Variants in XKR9 observed in about 807,000 individuals in gnomAD.
XKR9 encodes the protein XK related 9.
In XKR9, 32 loss-of-function variants were observed where a neutral mutation model predicts 32.0. The observed-to-expected ratio is 1.00, with a 90% CI of 0.76 to 1.34. The LOEUF (loss-of-function observed/expected upper bound fraction) is 1.34. Ranked by LOEUF, XKR9 falls within the 40% of genes most tolerant of loss-of-function variation. XKR9 has a pLI of 0.00. For synonymous variants in XKR9, 168 were observed against 143.4 expected (o/e 1.17, Z -1.22); for missense variants, 546 against 429.7 (o/e 1.27, Z -2.39).
downstream of XKR9, among the ~76,000 whole-genome samples, chr8:70,740,469 G>C (rs1303384884): frequency 6.6e-6 from 1 of 152,154 alleles, no homozygotes; most frequent in Non-Finnish European, 1.5e-5. Flanking sequence ...CTCTCAACTC[G>C]TCAAAGTCAT....
chr8:70,944,140 G>A, the XKR9 span, among the ~76,000 whole-genome samples: 4 of 131,538 alleles, frequency 3.0e-5, no homozygotes, highest in African/African-American at 7.6e-5. Flanking sequence ...TATTCCCCCC[G>A]CCAAAAAAAA....
At chr8:70,983,743 C>A in the XKR9 span, among the ~76,000 whole-genome samples, 1 of 151,246 alleles carries the variant, frequency 6.6e-6, no homozygotes, top group South Asian at 2.1e-4. Context: ...ATCGCACCAT[C>A]GCAATCTGGC....
the XKR9 span, among the ~76,000 whole-genome samples, chr8:71,038,519 C>T: frequency 6.6e-6 from 1 of 151,596 alleles, no homozygotes; most frequent in Non-Finnish European, 1.5e-5. Flanking sequence ...TGGGGTTTCA[C>T]CATGTTGGCC....
chr8:70,808,925 T>C, the XKR9 span, among the ~76,000 whole-genome samples: 9 of 152,218 alleles, frequency 5.9e-5, no homozygotes, highest in Admixed American at 5.9e-4. Context: ...AATGTCCCTG[T>C]CTGACAGCTT....
At chr8:70,959,984 C>T in the XKR9 span, among the ~76,000 whole-genome samples, 1 of 152,208 alleles carries the variant, frequency 6.6e-6, no homozygotes, top group Non-Finnish European at 1.5e-5. Flanking sequence ...AATCCCACCA[C>T]TTTGGGAGGC....
intron 3 of XKR9, among the ~76,000 whole-genome samples, chr8:70,694,476 C>T (rs1805191586): frequency 1.3e-5 from 2 of 152,106 alleles, no homozygotes; most frequent in African/African-American, 4.8e-5. Context: ...GTTGGGAGGT[C>T]CTGCCCAGCG....
the XKR9 span, among the ~76,000 whole-genome samples, chr8:70,888,227 C>G: frequency 6.6e-6 from 1 of 151,868 alleles, no homozygotes; most frequent in South Asian, 2.1e-4. Context: ...ATATCTGTAG[C>G]CCATTTGTGT....
At chr8:70,941,282 T>C in the XKR9 span, among the ~76,000 whole-genome samples, 2 of 152,122 alleles carry the variant, frequency 1.3e-5, no homozygotes, top group East Asian at 1.9e-4. Context: ...GGTTACACAT[T>C]GTAGCATGTA....
chr8:71,009,262 C>T, the XKR9 span, among the ~76,000 whole-genome samples: 2,503 of 152,170 alleles, frequency 0.016, 68 homozygotes, highest in African/African-American at 0.056. Context: ...GCTTTGAATG[C>T]GGCCCAACAG....
chr8:70,962,242 G>A, the XKR9 span, among the ~76,000 whole-genome samples: 1 of 151,782 alleles, frequency 6.6e-6, no homozygotes, highest in African/African-American at 2.4e-5. Flanking sequence ...CTATATTTTA[G>A]ATTCAGGGGG....
chr8:70,746,094 G>C (rs1220425652), intron 2 of XKR9, among the ~76,000 whole-genome samples: 1 of 151,866 alleles, frequency 6.6e-6, no homozygotes, highest in Non-Finnish European at 1.5e-5. Context: ...TTTAAGATTT[G>C]TGCCTTTTAT....
At chr8:70,942,775 G>T in the XKR9 span, among the ~76,000 whole-genome samples, 11 of 151,964 alleles carry the variant, frequency 7.2e-5, no homozygotes, top group African/African-American at 2.4e-4. Context: ...AATGTACACG[G>T]TACACAGAGC....
At chr8:70,753,113 A>G (rs1035695671) in intron 2 of XKR9, among the ~76,000 whole-genome samples, 1 of 152,238 alleles carries the variant, frequency 6.6e-6, no homozygotes, top group South Asian at 2.1e-4. Context: ...AATACAAACT[A>G]CCATCAGAGA....
At position 70,707,017 on chromosome 8, in the gene XKR9, T is replaced by G. The variant is rs1805741659; in HGVS notation, c.357T>G (p.Asp119Glu). Residue 119 changes from aspartate to glutamate, a missense_variant, in exon 4 of 5, where the codon GAT becomes GAG. Asp to Glu is a conservative substitution (Grantham distance 45). Transcript: ENST00000408926. ...NTSNFVEEQI[D>E]LHKEVIDRVT... Reference sequence around the variant, plus strand: ...GTAACTTCGTGGAAGAACAAATTGATCTACATAAAGAAGTTATAGATAGAG... The same window carrying G: ...GTAACTTCGTGGAAGAACAAATTGAGCTACATAAAGAAGTTATAGATAGAG... The G allele has an allele frequency of 1.9e-6, 3 of 1,613,284 alleles. No individual in the cohort carries two copies. Among genetic ancestry groups the G allele is most frequent in the Non-Finnish European group, 1.7e-6 (2 of 1,179,486 alleles).
At chr8:70,788,152 G>C (rs1021139500) in intron 2 of XKR9, among the ~76,000 whole-genome samples, 1 of 152,080 alleles carries the variant, frequency 6.6e-6, no homozygotes, top group South Asian at 2.1e-4. Flanking sequence ...TCAGTTCTGT[G>C]TGATTATGTC....
intron 3 of XKR9, among the ~76,000 whole-genome samples, chr8:70,704,491 A>G (rs1563435594): frequency 6.6e-6 from 1 of 152,086 alleles, no homozygotes; most frequent in Non-Finnish European, 1.5e-5. Context: ...TCTCACATCA[A>G]CCCAATGAGG....
At chr8:70,982,756 C>T in the XKR9 span, among the ~76,000 whole-genome samples, 70 of 152,262 alleles carry the variant, frequency 4.6e-4, no homozygotes, top group Admixed American at 1.4e-3. Context: ...AGCAAAATTT[C>T]AGGATGTGAG....
At chr8:70,755,038 A>G (rs1807199249) in intron 2 of XKR9, among the ~76,000 whole-genome samples, 1 of 152,182 alleles carries the variant, frequency 6.6e-6, no homozygotes, top group Admixed American at 6.5e-5. Flanking sequence ...AATATCCAGA[A>G]TCTACAATGA....
chr8:70,893,646 TC>T, the XKR9 span, among the ~76,000 whole-genome samples: 3 of 152,114 alleles, frequency 2.0e-5, no homozygotes, highest in Admixed American at 6.6e-5. Flanking sequence ...CCCTTAGTGG[TC>T]TAGGCTGTAG....
Sources: gnomAD v4.1 joint callset for allele counts (sites outside exome capture counted in the v4.1 genomes callset) on GRCh38, gnomAD v4.1.1 for gene constraint, MANE v1.5 for transcripts, NCBI Gene and HGNC (gene_info 2026-07-23, HGNC 2026-07-21) for gene names.